ITGB8: variants seen among roughly 807,000 people sequenced by gnomAD.
The protein encoded by ITGB8 is integrin beta-8.
A neutral mutation model predicts 89.5 loss-of-function variants in ITGB8; 30 were observed. The ratio of observed to expected loss-of-function variants is 0.34; its 90% CI spans 0.25 to 0.45. The LOEUF (loss-of-function observed/expected upper bound fraction) is 0.45. Ranked by LOEUF, ITGB8 falls within the 20% of genes least tolerant of loss-of-function variation. The pLI, the probability that ITGB8 is intolerant of heterozygous loss-of-function variation, is 1.00. For synonymous variants in ITGB8, 335 were observed against 320.4 expected, an observed-to-expected ratio of 1.05 and a Z score of -0.49; for missense variants, 836 against 933.3, an observed-to-expected ratio of 0.90 and a Z score of 1.36.
Position 20,409,821 on chromosome 7 carries a change from C to T in ITGB8, c.2187+43C>T, listed in dbSNP as rs374675564. The T allele has an allele frequency of 4.6e-5, 74 of 1,608,870 alleles. No individual in the cohort carries two copies. The Middle Eastern group carries it at 1.8e-3, about 39-fold the overall frequency. ...AAGAACTGCTAACAGTATGTTATTG[C>T]CTAGTTACAATATTTAGGCCCTTAG... On this transcript the variant is annotated intron_variant, in intron 13 of 13. Coordinates refer to ENST00000222573, the MANE Select transcript of ITGB8 (RefSeq NM_002214.3).
upstream of ITGB8, chr7:20,329,891 G>A (rs962137985): frequency 1.3e-5 from 2 of 152,114 alleles, no homozygotes; most frequent in Non-Finnish European, 2.9e-5. Flanking sequence ...GACAGGACCC[G>A]AGGAGGCGCG....
chr7:20,390,091 T>C (rs1256615252), intron 6 of ITGB8, among the ~76,000 whole-genome samples: 1 of 152,172 alleles, frequency 6.6e-6, no homozygotes, highest in Non-Finnish European at 1.5e-5. Flanking sequence ...TTTTACCAAG[T>C]TCACATAGTT....
At chr7:20,391,975 G>T (rs1266802242) in intron 7 of ITGB8, among the ~76,000 whole-genome samples, 1 of 152,024 alleles carries the variant, frequency 6.6e-6, no homozygotes, top group Non-Finnish European at 1.5e-5. Context: ...ACCAAAAGGG[G>T]CCATCGAAGT....
intron 3 of ITGB8, among the ~76,000 whole-genome samples, chr7:20,376,125 C>T (rs79356652): frequency 6.2e-4 from 94 of 152,182 alleles, no homozygotes; most frequent in African/African-American, 2.2e-3. Flanking sequence ...CCATTAAGCA[C>T]GTGATGAAAC....
intron 3 of ITGB8, among the ~76,000 whole-genome samples, chr7:20,374,578 A>C (rs886899743): frequency 1.3e-4 from 20 of 151,946 alleles, no homozygotes; most frequent in African/African-American, 4.8e-4. Flanking sequence ...GTTGCCATGG[A>C]AACACAGGGG....
chr7:20,397,557 A>T (rs900042873), intron 8 of ITGB8, among the ~76,000 whole-genome samples: 6 of 152,170 alleles, frequency 3.9e-5, no homozygotes, highest in Admixed American at 1.3e-4. Flanking sequence ...AGAATTTTAG[A>T]AGGGTAAACT....
rs3032573 is a variant in ITGB8, at chr7:20,408,377, C to CAAAA, written c.2024-1222_2024-1219dup. 1.6e-4 allele frequency among the ~76,000 whole-genome samples: 16 copies of CAAAA among 97,334 alleles called. No individual in the cohort carries two copies. In the South Asian group the frequency reaches 4.8e-3, roughly 29 times the overall value. 63.9% of individuals were successfully genotyped at this position (97,334 alleles called of 152,430 possible). A position where few individuals can be genotyped will look rare whatever the true frequency, so the allele number is the denominator to read the frequency against. ...ACCTTTCTTTCAAAGTACCTTATCA[C>CAAAA]AAAAAAAAAAAAAAAAAAATAGGCT... On this transcript the variant is annotated intron_variant, in intron 12 of 13. Transcript: ENST00000222573.
intron 1 of ITGB8, among the ~76,000 whole-genome samples, chr7:20,346,342 C>T (rs1363090945): frequency 6.6e-6 from 1 of 152,076 alleles, no homozygotes; most frequent in Non-Finnish European, 1.5e-5. Context: ...TCAGAGGGCA[C>T]AGGGGATGGG....
intron 1 of ITGB8, among the ~76,000 whole-genome samples, chr7:20,341,644 G>A (rs539569835): frequency 1.3e-5 from 2 of 152,334 alleles, no homozygotes; most frequent in African/African-American, 2.4e-5. Flanking sequence ...TTGAGCACGT[G>A]CCTGTGGCCC....
intron 1 of ITGB8, among the ~76,000 whole-genome samples, chr7:20,357,216 T>C (rs1354026104): frequency 1.3e-5 from 2 of 152,216 alleles, no homozygotes; most frequent in Non-Finnish European, 2.9e-5. Context: ...CAGTTTGTAG[T>C]GATGCCAAAA....
intron 6 of ITGB8, 53 bp from the exon 7 acceptor site, chr7:20,391,350 T>C (rs1488601234): frequency 4.3e-6 from 4 of 935,176 alleles, no homozygotes; most frequent in Non-Finnish European, 6.6e-6. Flanking sequence ...GATGTTTGAA[T>C]AGGATGGAGC....
intron 1 of ITGB8, among the ~76,000 whole-genome samples, chr7:20,334,034 C>T (rs1169125579): frequency 2.0e-5 from 3 of 152,130 alleles, no homozygotes; most frequent in Non-Finnish European, 2.9e-5. Flanking sequence ...TAAAGCCATA[C>T]AAAAGAGACC....
intron 2 of ITGB8, among the ~76,000 whole-genome samples, chr7:20,364,352 G>T (rs190231646): frequency 5.7e-4 from 87 of 152,230 alleles, no homozygotes; most frequent in Non-Finnish European, 1.1e-3. Context: ...AAACAAACAG[G>T]TCTTTAATGG....
chr7:20,413,988 A>G lies in ITGB8; in HGVS notation c.*3991A>G, dbSNP rs539311415. ...TTTCTTTTATAATTCCTCTATAGCA[A>G]ATTTTTATGTATAACTGATTATACA... On this transcript the variant is annotated 3_prime_UTR_variant, in exon 14 of 14. Transcript: ENST00000222573. 6.6e-6 allele frequency: 1 copy of G among 152,042 alleles called. No homozygotes were observed. The highest frequency in any genetic ancestry group is 1.9e-4 in the East Asian group (1 of 5,180). The allele number at this position is 152,042 out of a possible 1,614,324, so 9.4% of individuals were successfully genotyped here. A position where few individuals can be genotyped will look rare whatever the true frequency, so the allele number is the denominator to read the frequency against.
At chr7:20,405,777 T>A (rs1304773536) in intron 11 of ITGB8, among the ~76,000 whole-genome samples, 1 of 152,092 alleles carries the variant, frequency 6.6e-6, no homozygotes, top group Admixed American at 6.5e-5. Context: ...CAAAGACTTC[T>A]AATCTAAACA....
chr7:20,397,198 C>T (rs1206791193), intron 8 of ITGB8, among the ~76,000 whole-genome samples: 1 of 150,800 alleles, frequency 6.6e-6, no homozygotes, highest in Non-Finnish European at 1.5e-5. Context: ...AAACATTGGC[C>T]TAACTAGCTA....
intron 1 of ITGB8, among the ~76,000 whole-genome samples, chr7:20,360,335 C>A: frequency 1.3e-5 from 1 of 77,720 alleles, no homozygotes; most frequent in South Asian, 4.4e-4. Context: ...TTCCATGAGA[C>A]TACAGTCCTT....
chr7:20,355,500 A>T (rs1187695175), intron 1 of ITGB8, among the ~76,000 whole-genome samples: 1 of 152,162 alleles, frequency 6.6e-6, no homozygotes, highest in Non-Finnish European at 1.5e-5. Context: ...TCTCTTCCAA[A>T]TACACGTTCA....
chr7:20,395,780 C>T (rs1018103275), intron 8 of ITGB8, among the ~76,000 whole-genome samples: 3 of 152,176 alleles, frequency 2.0e-5, no homozygotes, highest in African/African-American at 7.2e-5. Context: ...GAAACCAAGA[C>T]TCAGGAAAGT....
Sources: allele counts gnomAD v4.1 joint callset (sites outside exome capture counted in the v4.1 genomes callset), GRCh38; gene constraint gnomAD v4.1.1; transcripts MANE v1.5; gene names NCBI Gene and HGNC (gene_info 2026-07-23, HGNC 2026-07-21).